The following AP1G1 variants were observed in gnomAD, a reference collection of about 807,000 sequenced individuals.
The protein encoded by AP1G1 is AP-1 complex subunit gamma-1.
AP1G1 carries 7 observed loss-of-function variants against 108.3 expected under a neutral mutation model. The ratio of observed to expected loss-of-function variants is 0.06; its 90% CI spans 0.04 to 0.12. The LOEUF is 0.12. Ranked by LOEUF, AP1G1 falls within the 10% of genes least tolerant of loss-of-function variation. AP1G1 has a pLI of 1.00. For synonymous variants in AP1G1, 379 were observed against 353.5 expected (o/e 1.07, Z -0.81); for missense variants, 756 against 1,010.7 (o/e 0.75, Z 3.42).
chr16:71,808,794 C>T lies in AP1G1; in HGVS notation c.-35G>A. 18 of 1,289,726 alleles carry T rather than the reference C, an allele frequency of 1.4e-5. No homozygotes were observed. The highest frequency in any genetic ancestry group is 1.7e-5 in the Non-Finnish European group (17 of 988,804). 79.9% of individuals were successfully genotyped at this position (1,289,726 alleles called of 1,614,324 possible). ...GAAACCTCGAATGAAACCAGCAGCT[C>T]CGGGGGCGGCGGCAGCAGTGGCAGC... On this transcript the variant is annotated 5_prime_UTR_variant, in exon 1 of 23. Coordinates refer to ENST00000299980, the MANE Select transcript of AP1G1 (RefSeq NM_001128.6).
chr16:71,746,895 T>C, intron 16 of AP1G1: 2 of 407,782 alleles, frequency 4.9e-6, no homozygotes, highest in East Asian at 4.3e-5. Flanking sequence ...ATTGTAACAC[T>C]AGATTTTTGT....
chr16:71,782,467 ATT>A (rs1692107366), intron 2 of AP1G1, among the ~76,000 whole-genome samples: 1 of 109,306 alleles, frequency 9.1e-6, no homozygotes, highest in African/African-American at 3.5e-5. Flanking sequence ...CCAGCCTACA[ATT>A]ATTATTATTA....
intron 14 of AP1G1, 48 bp downstream of exon 14, chr16:71,750,162 A>T: frequency 1.2e-6 from 2 of 1,600,110 alleles, no homozygotes; most frequent in Non-Finnish European, 1.7e-6. Flanking sequence ...CATACCAGAA[A>T]AATTGAGGGT....
At chr16:71,776,283 G>A (rs1372373519) in intron 2 of AP1G1, among the ~76,000 whole-genome samples, 3 of 152,174 alleles carry the variant, frequency 2.0e-5, no homozygotes, top group Non-Finnish European at 2.9e-5. Flanking sequence ...TTAGCTGAAT[G>A]ACTATACTAT....
chr16:71,800,362 C>T (rs1162801656), intron 1 of AP1G1, among the ~76,000 whole-genome samples: 1 of 123,818 alleles, frequency 8.1e-6, no homozygotes, highest in Admixed American at 8.4e-5. Context: ...TAGAGCAAGA[C>T]TCCCCATCTC....
intron 3 of AP1G1, 85 bp downstream of exon 3, chr16:71,774,382 CA>C: frequency 1.4e-6 from 2 of 1,478,210 alleles, no homozygotes; most frequent in Non-Finnish European, 9.2e-7. Context: ...CCAGCCTGGG[CA>C]AAAGAGCAAG....
chr16:71,745,964 C>T (rs1342003857), intron 17 of AP1G1, among the ~76,000 whole-genome samples: 1 of 151,686 alleles, frequency 6.6e-6, no homozygotes, highest in Non-Finnish European at 1.5e-5. Flanking sequence ...AGAATGTTAA[C>T]AGTAAAAGAA....
At chr16:71,775,912 T>C (rs1161098002) in intron 2 of AP1G1, among the ~76,000 whole-genome samples, 1 of 152,236 alleles carries the variant, frequency 6.6e-6, no homozygotes, top group African/African-American at 2.4e-5. Context: ...GTCCCTCTAC[T>C]TTGCCTTTCT....
intron 2 of AP1G1, 39 bp downstream of exon 2, chr16:71,789,240 A>G (rs749491981): frequency 1.3e-6 from 2 of 1,566,492 alleles, no homozygotes; most frequent in East Asian, 2.3e-5. Context: ...AACAATGTCA[A>G]AGAATACCCT....
intron 2 of AP1G1, among the ~76,000 whole-genome samples, chr16:71,784,712 T>C (rs1221786633): frequency 6.6e-6 from 1 of 151,616 alleles, no homozygotes; most frequent in Admixed American, 6.6e-5. Flanking sequence ...GCACCCACCA[T>C]CACGCCTGGC....
Position 71,764,669 on chromosome 16 carries a change from C to T in AP1G1, c.796G>A (p.Ala266Thr), listed in dbSNP as rs1179392430. The T allele has an allele frequency of 6.2e-7, 1 of 1,610,054 alleles. No individual in the cohort carries two copies. Among genetic ancestry groups the T allele is most frequent in the African/African-American group, 1.3e-5 (1 of 74,786 alleles). ...ACCTGTGCTAATATATCATTCATAG[C>T]TTCACTTGAATCATCATCATTTCGT... Reference protein sequence around the residue: ...LGRNDDDSSEAMNDILAQVAT... With the variant: ...LGRNDDDSSETMNDILAQVAT... The change falls in exon 8 of 23, where the codon GCT (alanine) becomes ACT (threonine). Residue 266 changes from alanine to threonine, a missense_variant. Transcript: ENST00000299980.
intron 18 of AP1G1, 43 bp downstream of exon 18, chr16:71,745,430 A>C (rs2030121783): frequency 1.2e-6 from 2 of 1,613,456 alleles, no homozygotes; most frequent in Admixed American, 1.7e-5. Flanking sequence ...AGGGACTATA[A>C]AATCGTAAGA....
chr16:71,744,726 C>T (rs578056335), intron 19 of AP1G1, among the ~76,000 whole-genome samples: 1 of 151,938 alleles, frequency 6.6e-6, no homozygotes, highest in African/African-American at 2.4e-5. Flanking sequence ...TAGGCATGCA[C>T]CACTTCACCC....
chr16:71,777,773 A>C (rs1597072188), intron 2 of AP1G1: 1 of 435,658 alleles, frequency 2.3e-6, no homozygotes, highest in Non-Finnish European at 4.8e-6. Flanking sequence ...CTCCTCCTCC[A>C]CCTTCTCCTT....
At chr16:71,760,571 G>A (rs953710129) in intron 10 of AP1G1, among the ~76,000 whole-genome samples, 2 of 151,624 alleles carry the variant, frequency 1.3e-5, no homozygotes, top group Non-Finnish European at 2.9e-5. Context: ...AAGAAACAGG[G>A]TCTCTCTGTG....
chr16:71,767,959 T>C lies in AP1G1; in HGVS notation c.642+1664A>G, dbSNP rs1036864620. 6 of 1,472,174 alleles carry C rather than the reference T, an allele frequency of 4.1e-6. No homozygotes were observed. In the African/African-American group the frequency reaches 4.2e-5, roughly 10 times the overall value. The allele number at this position is 1,472,174 out of a possible 1,614,324, so 91.2% of individuals were successfully genotyped here. A position where few individuals can be genotyped will look rare whatever the true frequency, so the allele number is the denominator to read the frequency against. Reference sequence around the variant, plus strand: ...AGCAAGCATTAGGGACAGATACGGGTCTCATACTATATTACAATAATTTAA... The same window carrying C: ...AGCAAGCATTAGGGACAGATACGGGCCTCATACTATATTACAATAATTTAA... On this transcript the variant is annotated intron_variant, in intron 6 of 22. Transcript: ENST00000299980.
intron 3 of AP1G1, among the ~76,000 whole-genome samples, chr16:71,774,176 G>A (rs910535673): frequency 1.0e-4 from 15 of 148,238 alleles, no homozygotes; most frequent in Admixed American, 4.1e-4. Flanking sequence ...TCAGGAGTTC[G>A]AGACCAGCCT....
intron 1 of AP1G1, among the ~76,000 whole-genome samples, chr16:71,798,231 G>A (rs914305789): frequency 6.6e-6 from 1 of 151,594 alleles, no homozygotes; most frequent in Non-Finnish European, 1.5e-5. Context: ...GATCACTTGA[G>A]GCCATGAGTT....
chr16:71,739,271 C>G lies in AP1G1; in HGVS notation c.2070G>C (p.Gly690=). The change falls in exon 20 of 23, where the codon GGG becomes GGC. Residue 690 remains glycine, a synonymous_variant. Coordinates refer to ENST00000299980, the MANE Select transcript of AP1G1 (RefSeq NM_001128.6). ...CATTGAAGAGAGGCTGTGATGAAAG[C>G]CCATCCAACAAGAAGGGGGGCTGGG... is the stretch of plus-strand genomic sequence containing the variant. ...QISQPPFLLD[G]LSSQPLFNDI... 1 of 1,613,188 alleles carries G rather than the reference C, an allele frequency of 6.2e-7. No individual in the cohort carries two copies.
Sources: allele counts gnomAD v4.1 joint callset (sites outside exome capture counted in the v4.1 genomes callset), GRCh38; gene constraint gnomAD v4.1.1; transcripts MANE v1.5; gene names NCBI Gene and HGNC (gene_info 2026-07-23, HGNC 2026-07-21).